Variants in CAMK1D observed in about 807,000 individuals in gnomAD.
CAMK1D encodes the protein calcium/calmodulin dependent protein kinase ID.
In CAMK1D, 9 loss-of-function variants were observed where a neutral mutation model predicts 47.7. The ratio of observed to expected loss-of-function variants is 0.19; its 90% CI spans 0.11 to 0.33. The LOEUF is 0.33. Among genes scored for constraint, CAMK1D ranks in the 10% least tolerant of loss-of-function variants. CAMK1D has a pLI of 1.00. For missense variants in CAMK1D, 291 were observed against 488.7 expected (o/e 0.60, Z 3.81); for synonymous variants, 184 against 184.9 (o/e 0.99, Z 0.04).
intron 9 of CAMK1D, 60 bp downstream of exon 9, chr10:12,824,612 A>G: frequency 7.5e-7 from 1 of 1,328,654 alleles, no homozygotes; most frequent in African/African-American, 1.4e-5. Flanking sequence ...CTGGCCCTCC[A>G]ATCTGAGCAT....
At chr10:12,766,970 T>G (rs932143699) in intron 4 of CAMK1D, among the ~76,000 whole-genome samples, 3 of 152,102 alleles carry the variant, frequency 2.0e-5, no homozygotes, top group Non-Finnish European at 4.4e-5. Flanking sequence ...ACTGCGATGT[T>G]GACACATCAG....
rs575874332 is a variant in CAMK1D, at chr10:12,434,988, C to T, written c.92+85078C>T. On this transcript the variant is annotated intron_variant, in intron 1 of 10. Transcript: ENST00000619168. Reference sequence around the variant, plus strand: ...ATCCCAGCACTTTGGGAGGCTGAGGCGGGTGGATCACCTGAGGTCAGGAGT... The same window carrying T: ...ATCCCAGCACTTTGGGAGGCTGAGGTGGGTGGATCACCTGAGGTCAGGAGT... Among the ~76,000 whole-genome samples, 13 of 152,084 alleles carry T rather than the reference C, an allele frequency of 8.5e-5. No individual in the cohort carries two copies. In the East Asian group the frequency reaches 2.3e-3, roughly 27 times the overall value.
At chr10:12,692,188 G>C (rs375043574) in intron 3 of CAMK1D, among the ~76,000 whole-genome samples, 54 of 152,336 alleles carry the variant, frequency 3.5e-4, no homozygotes, top group African/African-American at 1.3e-3. Flanking sequence ...CGCCTTCATA[G>C]TTGATTTCAG....
intron 1 of CAMK1D, among the ~76,000 whole-genome samples, chr10:12,369,269 T>C (rs1431656554): frequency 6.6e-6 from 1 of 152,220 alleles, no homozygotes; most frequent in African/African-American, 2.4e-5. Context: ...TCATAGGTCC[T>C]GAATGACATA....
chr10:12,365,568 A>G (rs565413684), intron 1 of CAMK1D, among the ~76,000 whole-genome samples: 289 of 152,108 alleles, frequency 1.9e-3, no homozygotes, highest in African/African-American at 6.7e-3. Context: ...CCTCCCGAGT[A>G]GCTGGGACTA....
intron 3 of CAMK1D, among the ~76,000 whole-genome samples, chr10:12,745,471 A>G (rs922053671): frequency 2.0e-5 from 3 of 152,262 alleles, no homozygotes; most frequent in Admixed American, 2.0e-4. Flanking sequence ...TGGACAGTTC[A>G]ACAATTCTGG....
chr10:12,739,442 A>ATTTTTTTTTTTTT, intron 3 of CAMK1D, among the ~76,000 whole-genome samples: 1 of 127,750 alleles, frequency 7.8e-6, no homozygotes, highest in Non-Finnish European at 1.7e-5. Flanking sequence ...CACCCGGCTA[A>ATTTTTTTTTTTTT]TTTTTTTTTT....
At chr10:12,588,873 TGTGTGTGTGTGCGTGC>T (rs1186071692) in intron 2 of CAMK1D, among the ~76,000 whole-genome samples, 5 of 141,820 alleles carry the variant, frequency 3.5e-5, no homozygotes, top group African/African-American at 1.2e-4. Context: ...TATATGTGTG[TGTGTGTGTGTGCGTGC>T]GTGTGTGTGT....
chr10:12,652,985 T>C (rs996634320), intron 2 of CAMK1D, among the ~76,000 whole-genome samples: 2 of 152,174 alleles, frequency 1.3e-5, no homozygotes, highest in African/African-American at 4.8e-5. Flanking sequence ...TGAAACTGGG[T>C]AGTTTATAAA....
At chr10:12,628,080 C>G (rs1199791338) in intron 2 of CAMK1D, among the ~76,000 whole-genome samples, 2 of 81,516 alleles carry the variant, frequency 2.5e-5, no homozygotes, top group African/African-American at 3.8e-5. Context: ...GACTCTGTCT[C>G]AAAAAAAAAC....
At chr10:12,639,401 C>G (rs1017746723) in intron 2 of CAMK1D, among the ~76,000 whole-genome samples, 1 of 152,238 alleles carries the variant, frequency 6.6e-6, no homozygotes, top group African/African-American at 2.4e-5. Flanking sequence ...AGGAGAATCA[C>G]TTGAACCCGC....
At chr10:12,489,938 A>G (rs1230665474) in intron 1 of CAMK1D, among the ~76,000 whole-genome samples, 8 of 152,114 alleles carry the variant, frequency 5.3e-5, no homozygotes, top group Non-Finnish European at 1.0e-4. Context: ...CCCGAGAGGA[A>G]TGTGTTGCTG....
chr10:12,428,541 C>T (rs911975600), intron 1 of CAMK1D, among the ~76,000 whole-genome samples: 6 of 152,224 alleles, frequency 3.9e-5, no homozygotes, highest in Admixed American at 6.5e-5. Context: ...GATAGCTTTC[C>T]CGTGGGGTTC....
At chr10:12,378,032 G>A (rs901119524) in intron 1 of CAMK1D, among the ~76,000 whole-genome samples, 1 of 152,202 alleles carries the variant, frequency 6.6e-6, no homozygotes, top group East Asian at 1.9e-4. Context: ...AGCACCCCAG[G>A]CATGCGGCCC....
chr10:12,420,107 C>G (rs999346287), intron 1 of CAMK1D, among the ~76,000 whole-genome samples: 2 of 152,098 alleles, frequency 1.3e-5, no homozygotes, highest in Non-Finnish European at 2.9e-5. Context: ...CTACAGGTGC[C>G]TGTCACCACG....
intron 2 of CAMK1D, among the ~76,000 whole-genome samples, chr10:12,603,641 G>A (rs1474877894): frequency 2.0e-5 from 3 of 152,102 alleles, no homozygotes; most frequent in South Asian, 4.1e-4. Flanking sequence ...GTCAGCCCGC[G>A]GCTGGATTAG....
chr10:12,459,518 G>A (rs564020222), intron 1 of CAMK1D, among the ~76,000 whole-genome samples: 4 of 151,968 alleles, frequency 2.6e-5, no homozygotes, highest in African/African-American at 9.7e-5. Context: ...AAAAACCCAC[G>A]CATACACTCA....
intron 2 of CAMK1D, among the ~76,000 whole-genome samples, chr10:12,627,786 C>T (rs1352210080): frequency 6.6e-6 from 1 of 151,928 alleles, no homozygotes; most frequent in Non-Finnish European, 1.5e-5. Flanking sequence ...TTGATGAACA[C>T]AGAAAAAAAC....
intron 1 of CAMK1D, among the ~76,000 whole-genome samples, chr10:12,527,385 C>T (rs759031121): frequency 7.9e-5 from 9 of 114,354 alleles, no homozygotes; most frequent in South Asian, 3.1e-4. Context: ...GAGGGAGTGT[C>T]GCTCTGTTGC....
Sources: allele counts gnomAD v4.1 joint callset (sites outside exome capture counted in the v4.1 genomes callset), GRCh38; gene constraint gnomAD v4.1.1; transcripts MANE v1.5; gene names NCBI Gene and HGNC (gene_info 2026-07-23, HGNC 2026-07-21).